The following FBXO36 variants were observed in gnomAD, a reference collection of about 807,000 sequenced individuals.
FBXO36 encodes F-box protein 36.
FBXO36 carries 18 observed loss-of-function variants against 17.0 expected under a neutral mutation model. The ratio of observed to expected loss-of-function variants is 1.06; its 90% CI spans 0.73 to 1.57. FBXO36 has a LOEUF of 1.57. Ranked by LOEUF, FBXO36 falls within the 40% of genes most tolerant of loss-of-function variation. The probability of loss-of-function intolerance (pLI) is 0.00; values close to 1 mark genes in which losing one functional copy is unlikely to be tolerated. For missense variants in FBXO36, 229 were observed against 221.9 expected (o/e 1.03, Z -0.20); for synonymous variants, 83 against 85.3 (o/e 0.97, Z 0.15).
At chr2:229,981,045 C>G (rs1437018149) in intron 2 of FBXO36, among the ~76,000 whole-genome samples, 1 of 152,176 alleles carries the variant, frequency 6.6e-6, no homozygotes, top group Non-Finnish European at 1.5e-5. Context: ...GTAGCACAGA[C>G]TGGGACTCAG....
At chr2:229,971,566 G>A (rs1183345328) in intron 1 of FBXO36, among the ~76,000 whole-genome samples, 1 of 152,112 alleles carries the variant, frequency 6.6e-6, no homozygotes, top group Admixed American at 6.6e-5. Context: ...TATACTCTGA[G>A]CACAAGCTAT....
chr2:229,923,864 T>C (rs1374087960), intron 1 of FBXO36, among the ~76,000 whole-genome samples: 1 of 142,188 alleles, frequency 7.0e-6, no homozygotes, highest in Non-Finnish European at 1.5e-5. Context: ...TTTTTTTTTT[T>C]TTTTTTTGAG....
chr2:229,941,178 G>A (rs1268178079), intron 1 of FBXO36, among the ~76,000 whole-genome samples: 1 of 152,112 alleles, frequency 6.6e-6, no homozygotes, highest in African/African-American at 2.4e-5. Flanking sequence ...GGACGAAGCC[G>A]GGCACGGTGG....
chr2:229,928,199 T>C (rs953219428), intron 1 of FBXO36, among the ~76,000 whole-genome samples: 1 of 152,236 alleles, frequency 6.6e-6, no homozygotes, highest in Non-Finnish European at 1.5e-5. Flanking sequence ...TGCCATAGAA[T>C]ACTATCCAAC....
intron 1 of FBXO36, among the ~76,000 whole-genome samples, chr2:229,934,819 T>C (rs1349897503): frequency 1.3e-5 from 2 of 152,114 alleles, no homozygotes; most frequent in Non-Finnish European, 2.9e-5. Context: ...CATGCCCGGC[T>C]AATTTTCATG....
At position 229,953,057 on chromosome 2, in the gene FBXO36, G is replaced by T. The variant is rs1413007504; in HGVS notation, c.97-23184G>T. Reference sequence around the variant, plus strand: ...GTATTGCCTATTTGAAAAGAAAACGGCCGGGTGCGGTGGCTCACGCCTGTA... The same window carrying T: ...GTATTGCCTATTTGAAAAGAAAACGTCCGGGTGCGGTGGCTCACGCCTGTA... On this transcript the variant is annotated intron_variant, in intron 1 of 3. Coordinates refer to ENST00000283946, the MANE Select transcript of FBXO36 (RefSeq NM_174899.5). 2.6e-5 allele frequency among the ~76,000 whole-genome samples: 4 copies of T among 152,338 alleles called. No homozygotes were observed. In the South Asian group the frequency reaches 8.3e-4, roughly 32 times the overall value.
intron 1 of FBXO36, among the ~76,000 whole-genome samples, chr2:229,952,097 T>G (rs1441851904): frequency 6.6e-6 from 1 of 152,186 alleles, no homozygotes; most frequent in Non-Finnish European, 1.5e-5. Flanking sequence ...TGTATCTAAT[T>G]TTTTTTAGGC....
chr2:229,939,306 A>G (rs1449687366), intron 1 of FBXO36: 4 of 975,286 alleles, frequency 4.1e-6, no homozygotes, highest in African/African-American at 3.5e-5. Context: ...TTCTTGCCCT[A>G]TTTTACATTT....
chr2:229,937,085 T>C (rs2076967693), intron 1 of FBXO36, among the ~76,000 whole-genome samples: 1 of 152,164 alleles, frequency 6.6e-6, no homozygotes, highest in African/African-American at 2.4e-5. Flanking sequence ...CATTATTTTA[T>C]ATATAGCCCA....
chr2:229,952,621 A>G (rs147515875), intron 1 of FBXO36, among the ~76,000 whole-genome samples: 15 of 152,292 alleles, frequency 9.8e-5, no homozygotes, highest in African/African-American at 3.1e-4. Context: ...AGAAATCTAA[A>G]GTGCCTCGCA....
At chr2:229,940,117 G>T (rs2076990686) in intron 1 of FBXO36, among the ~76,000 whole-genome samples, 2 of 152,028 alleles carry the variant, frequency 1.3e-5, no homozygotes, top group African/African-American at 4.8e-5. Flanking sequence ...AGAAGCCATT[G>T]GCAACATTTT....
At chr2:229,967,654 G>T (rs894979159) in intron 1 of FBXO36, among the ~76,000 whole-genome samples, 1 of 152,086 alleles carries the variant, frequency 6.6e-6, no homozygotes, top group African/African-American at 2.4e-5. Flanking sequence ...TTTTGTCTTT[G>T]GTTCTGTTTA....
At chr2:229,998,785 G>A (rs1458389363) in intron 3 of FBXO36, among the ~76,000 whole-genome samples, 1 of 150,730 alleles carries the variant, frequency 6.6e-6, no homozygotes, top group East Asian at 1.9e-4. Context: ...ACAAAACCCT[G>A]TCTCAAAAAA....
chr2:229,927,137 G>A (rs1360246672), intron 1 of FBXO36, among the ~76,000 whole-genome samples: 1 of 152,200 alleles, frequency 6.6e-6, no homozygotes, highest in Non-Finnish European at 1.5e-5. Context: ...TGGGATTACA[G>A]GGGTGAGACA....
chr2:229,949,047 C>T (rs2077041542), intron 1 of FBXO36, among the ~76,000 whole-genome samples: 1 of 152,142 alleles, frequency 6.6e-6, no homozygotes, highest in Non-Finnish European at 1.5e-5. Flanking sequence ...ATTGGCCAGG[C>T]TGGTCTTAAA....
At chr2:229,962,996 T>A (rs1301678393) in intron 1 of FBXO36, among the ~76,000 whole-genome samples, 1 of 151,480 alleles carries the variant, frequency 6.6e-6, no homozygotes, top group African/African-American at 2.4e-5. Context: ...TTTTTTAGGG[T>A]AGCACATAAC....
intron 1 of FBXO36, among the ~76,000 whole-genome samples, chr2:229,951,212 C>T (rs769502309): frequency 2.3e-4 from 35 of 151,944 alleles, no homozygotes; most frequent in Non-Finnish European, 4.0e-4. Flanking sequence ...GGATTACAGG[C>T]GTGAGCCACC....
chr2:229,938,255 CTT>C (rs2076976634), intron 1 of FBXO36, among the ~76,000 whole-genome samples: 1 of 95,106 alleles, frequency 1.1e-5, no homozygotes, highest in South Asian at 3.7e-4. Flanking sequence ...GAGTTTCGCT[CTT>C]GTCGCCCAGG....
At chr2:229,990,221 T>C (rs1254205382) in intron 2 of FBXO36, among the ~76,000 whole-genome samples, 1 of 148,924 alleles carries the variant, frequency 6.7e-6, no homozygotes, top group Non-Finnish European at 1.5e-5. Flanking sequence ...TTAAATTATA[T>C]AATATATATG....
Sources: allele counts gnomAD v4.1 joint callset (sites outside exome capture counted in the v4.1 genomes callset), GRCh38; gene constraint gnomAD v4.1.1; transcripts MANE v1.5; gene names NCBI Gene and HGNC (gene_info 2026-07-23, HGNC 2026-07-21).